FGF12: variants seen among roughly 807,000 people sequenced by gnomAD.
FGF12 encodes fibroblast growth factor 12.
Under a neutral mutation model 23.6 loss-of-function variants are expected in FGF12, and 14 were observed. The ratio of observed to expected loss-of-function variants is 0.59; its 90% CI spans 0.39 to 0.93. FGF12 has a LOEUF of 0.93. Ranked by LOEUF, FGF12 falls within the 40% of genes least tolerant of loss-of-function variation. The pLI is 0.00. For synonymous variants in FGF12, 62 were observed against 77.3 expected (o/e 0.80, Z 1.04); for missense variants, 175 against 217.8 (o/e 0.80, Z 1.24).
At chr3:192,484,060 G>C (rs1235537115) in intron 2 of FGF12, among the ~76,000 whole-genome samples, 5 of 152,062 alleles carry the variant, frequency 3.3e-5, no homozygotes, top group African/African-American at 1.2e-4. Context: ...AAAGATTGGG[G>C]AACTGATTTT....
intron 2 of FGF12, among the ~76,000 whole-genome samples, chr3:192,607,537 A>C (rs1714383645): frequency 6.6e-6 from 1 of 152,098 alleles, no homozygotes; most frequent in Admixed American, 6.6e-5. Context: ...GGGAAGACTA[A>C]ATATGATGTC....
At chr3:192,641,596 G>A (rs1450918206) in intron 2 of FGF12, among the ~76,000 whole-genome samples, 1 of 151,224 alleles carries the variant, frequency 6.6e-6, no homozygotes, top group Non-Finnish European at 1.5e-5. Context: ...AGTAGAGACG[G>A]GGTTTCTCCA....
At chr3:192,510,287 T>C (rs1176214375) in intron 2 of FGF12, among the ~76,000 whole-genome samples, 2 of 152,096 alleles carry the variant, frequency 1.3e-5, no homozygotes, top group African/African-American at 4.8e-5. Flanking sequence ...CAATGAGAAA[T>C]GAACAACCTG....
chr3:192,546,236 G>C (rs975125587), intron 2 of FGF12, among the ~76,000 whole-genome samples: 19 of 152,158 alleles, frequency 1.2e-4, no homozygotes, highest in African/African-American at 4.3e-4. Flanking sequence ...TCATTATAGA[G>C]TATTGTAAGA....
intron 2 of FGF12, among the ~76,000 whole-genome samples, chr3:192,719,930 T>A (rs193194479): frequency 1.5e-4 from 23 of 152,300 alleles, no homozygotes; most frequent in Non-Finnish European, 3.1e-4. Context: ...TCTGTTAGAG[T>A]GCTATCAGTA....
At chr3:192,697,670 A>G (rs1445864342) in intron 2 of FGF12, among the ~76,000 whole-genome samples, 2 of 152,322 alleles carry the variant, frequency 1.3e-5, no homozygotes, top group African/African-American at 2.4e-5. Flanking sequence ...GTCAGGAGAC[A>G]TGGGCCATGA....
intron 2 of FGF12, among the ~76,000 whole-genome samples, chr3:192,468,212 C>T (rs1723066139): frequency 1.3e-5 from 2 of 152,190 alleles, no homozygotes; most frequent in African/African-American, 4.8e-5. Flanking sequence ...TATCCTTAAT[C>T]TAGCTCCCCT....
chr3:192,595,074 C>T (rs564573207), intron 2 of FGF12, among the ~76,000 whole-genome samples: 5 of 152,218 alleles, frequency 3.3e-5, no homozygotes, highest in African/African-American at 9.6e-5. Context: ...GTTTTGTTTC[C>T]TTGTAGGGTA....
chr3:192,383,647 A>G (rs181808463), intron 2 of FGF12, among the ~76,000 whole-genome samples: 1 of 152,168 alleles, frequency 6.6e-6, no homozygotes. Context: ...TCAAAGGCTA[A>G]ATTTGTGCAA....
At chr3:192,506,365 T>G (rs193160485) in intron 2 of FGF12, among the ~76,000 whole-genome samples, 1 of 152,338 alleles carries the variant, frequency 6.6e-6, no homozygotes, top group East Asian at 1.9e-4. Context: ...GTTTTTTGTT[T>G]TGTTCGTTTT....
At chr3:192,700,808 T>C (rs1223141464) in intron 2 of FGF12, among the ~76,000 whole-genome samples, 1 of 152,188 alleles carries the variant, frequency 6.6e-6, no homozygotes, top group African/African-American at 2.4e-5. Flanking sequence ...AGCATTAACA[T>C]TCAAACAGAG....
intron 2 of FGF12, among the ~76,000 whole-genome samples, chr3:192,388,572 G>A (rs565852245): frequency 2.6e-5 from 4 of 151,726 alleles, no homozygotes; most frequent in Non-Finnish European, 5.9e-5. Flanking sequence ...AGACTATTAA[G>A]AAAGATATAT....
Position 192,408,411 on chromosome 3 carries a change from A to T in FGF12, c.14-47873T>A. 2 of 1,402,110 alleles carry T rather than the reference A, an allele frequency of 1.4e-6. No homozygotes were observed. Among genetic ancestry groups the T allele is most frequent in the Admixed American group, 3.2e-5 (1 of 30,912 alleles). 86.9% of individuals were successfully genotyped at this position (1,402,110 alleles called of 1,614,324 possible). ...GTTAGTCAAAGTCTGGGCAGTGGCG[A>T]CAAAATGTGTGAAAATCCAGATGTA... On this transcript the variant is annotated intron_variant, in intron 2 of 5. Transcript: ENST00000445105. The surrounding 1 kb of genome is among the most constrained non-coding windows in gnomAD (Gnocchi z 7.3).
chr3:192,392,497 GA>G (rs1036602565), intron 2 of FGF12, among the ~76,000 whole-genome samples: 4 of 152,046 alleles, frequency 2.6e-5, no homozygotes, highest in African/African-American at 9.7e-5. Flanking sequence ...TGGGGAGGCT[GA>G]GGCAGGAGAA....
chr3:192,229,635 A>G (rs1291150101), intron 4 of FGF12, among the ~76,000 whole-genome samples: 2 of 152,072 alleles, frequency 1.3e-5, no homozygotes, highest in African/African-American at 4.8e-5. Flanking sequence ...GACTAAGAAG[A>G]TCCATGTTAT....
chr3:192,395,442 C>G (rs1720477650), intron 2 of FGF12, among the ~76,000 whole-genome samples: 1 of 152,046 alleles, frequency 6.6e-6, no homozygotes, highest in Admixed American at 6.6e-5. Context: ...TTGTATTAGC[C>G]AAAAATACTG....
intron 2 of FGF12, among the ~76,000 whole-genome samples, chr3:192,595,193 T>G (rs903414328): frequency 2.6e-5 from 4 of 152,266 alleles, no homozygotes; most frequent in Non-Finnish European, 5.9e-5. Context: ...GTCATCTTAC[T>G]AAATTCTTAT....
intron 2 of FGF12, among the ~76,000 whole-genome samples, chr3:192,548,228 T>C (rs147187070): frequency 2.2e-4 from 33 of 152,296 alleles, no homozygotes; most frequent in African/African-American, 7.9e-4. Flanking sequence ...CTGTTACCAG[T>C]TGAATTGGTG....
chr3:192,553,547 A>G lies in FGF12; in HGVS notation c.13+173634T>C, dbSNP rs185983590. On this transcript the variant is annotated intron_variant, in intron 2 of 5. Coordinates refer to ENST00000445105, the MANE Select transcript of FGF12 (RefSeq NM_004113.6). ...AAGCCCAGAACCTCTTTCCCCTCAT[A>G]GGACACCATTTAACAGCAATTCAGT... is the stretch of plus-strand genomic sequence containing the variant. 3.3e-3 allele frequency among the ~76,000 whole-genome samples: 496 copies of G among 152,340 alleles called. 4 individuals are homozygous for G. The highest frequency in any genetic ancestry group is 0.011 in the African/African-American group (474 of 41,586).
Sources: allele counts gnomAD v4.1 joint callset (sites outside exome capture counted in the v4.1 genomes callset), GRCh38; gene constraint gnomAD v4.1.1; non-coding constraint Gnocchi (gnomAD v3.1); transcripts MANE v1.5; gene names NCBI Gene and HGNC (gene_info 2026-07-23, HGNC 2026-07-21).